Variants in MACROD1 observed in about 807,000 individuals in gnomAD.
MACROD1 encodes the protein ADP-ribose glycohydrolase MACROD1.
MACROD1 carries 31 observed loss-of-function variants against 41.4 expected under a neutral mutation model. That is an observed-to-expected ratio of 0.75 (90% confidence interval 0.56 to 1.01). The LOEUF (loss-of-function observed/expected upper bound fraction) is 1.01, where lower values mean the gene tolerates loss of function less well. MACROD1 is among the 50% of genes least tolerant of loss of function. The pLI is 0.00. For synonymous variants in MACROD1, 252 were observed against 203.4 expected (o/e 1.24, Z -2.03); for missense variants, 473 against 460.0 (o/e 1.03, Z -0.26).
chr11:64,071,357 C>T (rs1052783128), intron 3 of MACROD1, among the ~76,000 whole-genome samples: 1 of 152,170 alleles, frequency 6.6e-6, no homozygotes, highest in Non-Finnish European at 1.5e-5. Context: ...CTGGGCCCAG[C>T]ACAGAGCAGC....
At chr11:64,151,174 C>T in intron 3 of MACROD1, 65 bp downstream of exon 3, 1 of 1,403,578 alleles carries the variant, frequency 7.1e-7, no homozygotes, top group South Asian at 1.2e-5. Flanking sequence ...CCAGGCCTGG[C>T]ACAGCAGAGC....
intron 3 of MACROD1, among the ~76,000 whole-genome samples, chr11:64,088,188 C>T (rs180978291): frequency 1.1e-4 from 16 of 152,218 alleles, no homozygotes; most frequent in African/African-American, 3.6e-4. Flanking sequence ...AGCAGCCAGA[C>T]TCCTCCAGGG....
chr11:64,122,627 G>A lies in MACROD1; in HGVS notation c.517+28612C>T, dbSNP rs1037368723. Among the ~76,000 whole-genome samples, 18 of 152,118 alleles carry A rather than the reference G, an allele frequency of 1.2e-4. No individual in the cohort carries two copies. The highest frequency in any genetic ancestry group is 5.9e-5 in the Non-Finnish European group (4 of 67,992). ...TTTCCAGAGCGGTGCAGGGAAAGAG[G>A]GTTTGGTGAGAATACAGCCTCTGTT... On this transcript the variant is annotated intron_variant, in intron 3 of 10. Transcript: ENST00000255681. This position sits in a 1 kb window ranked among gnomAD's most constrained non-coding sequence, Gnocchi z 4.0.
At chr11:64,029,657 AC>A (rs1182896627) in intron 3 of MACROD1, among the ~76,000 whole-genome samples, 1 of 116,288 alleles carries the variant, frequency 8.6e-6, no homozygotes, top group Non-Finnish European at 1.8e-5. Flanking sequence ...CCTCGCCCCC[AC>A]CCCCCTCTCG....
chr11:64,116,035 G>A (rs1412977691), intron 3 of MACROD1, among the ~76,000 whole-genome samples: 3 of 152,160 alleles, frequency 2.0e-5, no homozygotes, highest in African/African-American at 4.8e-5. Context: ...CGACCTCGGC[G>A]GGAGCAATCA....
At chr11:64,104,120 G>A (rs1424074143) in intron 3 of MACROD1, 1 of 152,304 alleles carries the variant, frequency 6.6e-6, no homozygotes, top group Admixed American at 6.5e-5. Context: ...ACTTTGGCAG[G>A]GGCCTCCGGA....
At chr11:64,077,018 T>G (rs891663497) in intron 3 of MACROD1, among the ~76,000 whole-genome samples, 1 of 148,226 alleles carries the variant, frequency 6.7e-6, no homozygotes, top group Non-Finnish European at 1.5e-5. Flanking sequence ...GCCCTTGAGC[T>G]GTGGGGAGTA....
At chr11:64,035,940 C>T (rs1246904641) in intron 3 of MACROD1, 2 of 147,694 alleles carry the variant, frequency 1.4e-5, no homozygotes, top group East Asian at 4.0e-4. Context: ...CGCACTCCTC[C>T]CGCGGCTCCG....
At chr11:64,093,022 T>C (rs1009371929) in intron 3 of MACROD1, among the ~76,000 whole-genome samples, 6 of 151,732 alleles carry the variant, frequency 4.0e-5, no homozygotes, top group Non-Finnish European at 7.4e-5. Flanking sequence ...GAGTGGCTGG[T>C]GTGGCCTTGA....
intron 3 of MACROD1, among the ~76,000 whole-genome samples, chr11:64,026,591 G>A (rs2134357124): frequency 6.6e-6 from 1 of 152,288 alleles, no homozygotes; most frequent in African/African-American, 2.4e-5. Context: ...AGATGATCGT[G>A]TTAAAATATA....
At chr11:64,099,250 G>A (rs146591661) in intron 3 of MACROD1, among the ~76,000 whole-genome samples, 15 of 152,370 alleles carry the variant, frequency 9.8e-5, no homozygotes, top group African/African-American at 3.6e-4. Context: ...TGGGCAAGGC[G>A]GGGCTCTTGG....
chr11:64,028,567 C>T (rs1327086397), intron 3 of MACROD1, among the ~76,000 whole-genome samples: 1 of 152,218 alleles, frequency 6.6e-6, no homozygotes, highest in Admixed American at 6.5e-5. Flanking sequence ...GCTCCCTCCG[C>T]GGCCCAGCCT....
intron 4 of MACROD1, among the ~76,000 whole-genome samples, chr11:64,014,490 C>T (rs949947410): frequency 2.6e-5 from 4 of 152,238 alleles, no homozygotes; most frequent in African/African-American, 4.8e-5. Context: ...GCCGTAAACA[C>T]GGCCCCCGGG....
chr11:64,090,769 C>T lies in MACROD1; in HGVS notation c.517+60470G>A, dbSNP rs921561126. On this transcript the variant is annotated intron_variant, in intron 3 of 10. Coordinates refer to ENST00000255681, the MANE Select transcript of MACROD1 (RefSeq NM_014067.4). The surrounding 1 kb of genome is among the most constrained non-coding windows in gnomAD (Gnocchi z 4.7). The stretch of plus-strand genomic sequence containing the variant: ...CAAGACTAAAAGGGGGGCGGGGTGG[C>T]GGCGTCTCTCCACCAGGCACTTGGG... Among the ~76,000 whole-genome samples, 1 of 151,952 alleles carries T rather than the reference C, an allele frequency of 6.6e-6. No homozygotes were observed. Among genetic ancestry groups the T allele is most frequent in the Non-Finnish European group, 1.5e-5 (1 of 67,994 alleles).
At chr11:64,097,089 C>T (rs1944590028) in intron 3 of MACROD1, among the ~76,000 whole-genome samples, 1 of 152,230 alleles carries the variant, frequency 6.6e-6, no homozygotes, top group Admixed American at 6.5e-5. Flanking sequence ...TGGCGGTGCC[C>T]ACTGGCAGCT....
intron 3 of MACROD1, 103 bp downstream of exon 3, chr11:64,151,136 A>T (rs968159460): frequency 1.0e-6 from 1 of 960,018 alleles, no homozygotes; most frequent in African/African-American, 1.6e-5. Context: ...CAGCAACCCG[A>T]GCCTCACTGG....
At chr11:64,032,540 G>A (rs1428945212) in intron 3 of MACROD1, among the ~76,000 whole-genome samples, 2 of 152,178 alleles carry the variant, frequency 1.3e-5, no homozygotes, top group Non-Finnish European at 2.9e-5. Flanking sequence ...CCACCAGGCT[G>A]TGTGGGTTAC....
At chr11:64,103,081 CA>C in intron 3 of MACROD1, 1 of 150,786 alleles carries the variant, frequency 6.6e-6, no homozygotes, top group Non-Finnish European at 1.5e-5. Flanking sequence ...AAAAAAAAAA[CA>C]AAAAAACAGG....
chr11:64,118,260 G>A lies in MACROD1; in HGVS notation c.517+32979C>T, dbSNP rs747737126. ...CACCACGCGGGGCTACCGGGACGGC[G>A]GCATCCCCGACATAGACTACTCCTA... On this transcript the variant is annotated intron_variant, in intron 3 of 10. Coordinates refer to ENST00000255681, the MANE Select transcript of MACROD1 (RefSeq NM_014067.4). The A allele has an allele frequency of 1.2e-5, 19 of 1,595,636 alleles. No individual in the cohort carries two copies. The highest frequency in any genetic ancestry group is 2.2e-5 in the South Asian group (2 of 89,156).
Sources: allele counts gnomAD v4.1 joint callset (sites outside exome capture counted in the v4.1 genomes callset), GRCh38; gene constraint gnomAD v4.1.1; non-coding constraint Gnocchi (gnomAD v3.1); transcripts MANE v1.5; gene names NCBI Gene and HGNC (gene_info 2026-07-23, HGNC 2026-07-21).